The following EDIL3 variants were observed in gnomAD, a reference collection of about 807,000 sequenced individuals.
EDIL3 encodes the protein EGF like and discoidin domains 3, also known as EGF-like repeat and discoidin I-like domain-containing protein 3.
EDIL3 carries 37 observed loss-of-function variants against 67.4 expected under a neutral mutation model. The observed-to-expected ratio is 0.55, with a 90% CI of 0.42 to 0.72. The LOEUF is 0.72. EDIL3 is among the 30% of genes least tolerant of loss of function. The probability of loss-of-function intolerance (pLI) is 0.00; values close to 1 mark genes in which losing one functional copy is unlikely to be tolerated. For synonymous variants in EDIL3, 195 were observed against 196.3 expected (o/e 0.99, Z 0.05); for missense variants, 527 against 586.3 (o/e 0.90, Z 1.04).
At chr5:83,947,369 CTGTGTGTGTGTGTGTGTG>C (rs34059015) in intron 10 of EDIL3, among the ~76,000 whole-genome samples, 2 of 129,450 alleles carry the variant, frequency 1.5e-5, no homozygotes, top group African/African-American at 6.0e-5. Flanking sequence ...GTGTCTGTGT[CTGTGTGTGTGTGTGTGTG>C]TGTGTGTGTG....
At chr5:84,064,540 C>T (rs551106255) in intron 8 of EDIL3, among the ~76,000 whole-genome samples, 160 bp downstream of exon 8, 5 of 152,190 alleles carry the variant, frequency 3.3e-5, no homozygotes, top group African/African-American at 1.2e-4. Flanking sequence ...TTATTCTATA[C>T]ATAAACACAC....
At chr5:84,169,480 G>A (rs1024756932) in intron 4 of EDIL3, among the ~76,000 whole-genome samples, 1 of 151,894 alleles carries the variant, frequency 6.6e-6, no homozygotes, top group Non-Finnish European at 1.5e-5. Flanking sequence ...TGTCATCACA[G>A]TCAATATACG....
chr5:84,156,637 G>A (rs1250498148), intron 4 of EDIL3, among the ~76,000 whole-genome samples: 1 of 152,122 alleles, frequency 6.6e-6, no homozygotes, highest in Non-Finnish European at 1.5e-5. Flanking sequence ...TTTAAATGTT[G>A]CTAATGAAGA....
intron 9 of EDIL3, among the ~76,000 whole-genome samples, chr5:84,051,673 A>G (rs992934718): frequency 3.9e-5 from 6 of 152,252 alleles, no homozygotes; most frequent in African/African-American, 1.4e-4. Context: ...CACAAGCTTC[A>G]CTAGCCGATT....
intron 2 of EDIL3, among the ~76,000 whole-genome samples, chr5:84,246,916 T>G (rs1193918273): frequency 1.3e-5 from 2 of 152,192 alleles, no homozygotes; most frequent in Non-Finnish European, 1.5e-5. Context: ...TTTTCCATAA[T>G]ATATGCAAAA....
At chr5:84,237,256 G>T (rs979708478) in intron 2 of EDIL3, among the ~76,000 whole-genome samples, 3 of 152,006 alleles carry the variant, frequency 2.0e-5, no homozygotes, top group African/African-American at 7.2e-5. Flanking sequence ...AAAACCAAAA[G>T]AACAGAAAAC....
intron 6 of EDIL3, among the ~76,000 whole-genome samples, chr5:84,074,946 A>G (rs1746822014): frequency 6.6e-6 from 1 of 152,188 alleles, no homozygotes; most frequent in Non-Finnish European, 1.5e-5. Flanking sequence ...CTTGGAACCA[A>G]CCCGAATGTC....
rs564204112 is a variant in EDIL3 at position 84,239,370 on chromosome 5, G to A, written c.197-9486C>T. Among the ~76,000 whole-genome samples, 12 of 152,090 alleles carry A rather than the reference G, an allele frequency of 7.9e-5. No homozygotes were observed. In the South Asian group the frequency reaches 1.7e-3, roughly 21 times the overall value. On this transcript the variant is annotated intron_variant, in intron 2 of 10. Coordinates refer to ENST00000296591, the MANE Select transcript of EDIL3 (RefSeq NM_005711.5). ...GTGTTATTACCTGTCTTGTTTAGGC[G>A]GCTTTATAACAACCAGCAATCCAAC...
chr5:84,258,613 C>T (rs1287631041), intron 1 of EDIL3, among the ~76,000 whole-genome samples: 1 of 152,104 alleles, frequency 6.6e-6, no homozygotes, highest in Non-Finnish European at 1.5e-5. Context: ...GGATTAGAGC[C>T]GTGCACCTCC....
chr5:84,022,144 TA>T (rs1745729125), intron 9 of EDIL3, among the ~76,000 whole-genome samples: 2 of 151,762 alleles, frequency 1.3e-5, no homozygotes, highest in African/African-American at 4.8e-5. Context: ...TCATGATGAA[TA>T]TAGATGCAAA....
At chr5:84,110,902 A>G (rs543266803) in intron 5 of EDIL3, among the ~76,000 whole-genome samples, 7 of 152,304 alleles carry the variant, frequency 4.6e-5, no homozygotes, top group African/African-American at 1.4e-4. Flanking sequence ...GCAACAGTAC[A>G]TAATGTATGG....
intron 5 of EDIL3, among the ~76,000 whole-genome samples, chr5:84,120,784 A>T (rs1747761910): frequency 6.6e-6 from 1 of 152,008 alleles, no homozygotes; most frequent in African/African-American, 2.4e-5. Context: ...TCTCTTTTTC[A>T]TGAAGACATG....
intron 9 of EDIL3, among the ~76,000 whole-genome samples, chr5:83,983,762 CT>C (rs1745012537): frequency 7.8e-6 from 1 of 128,146 alleles, no homozygotes; most frequent in African/African-American, 3.4e-5. Context: ...TTTTTTTTCA[CT>C]GTTCATTCAA....
chr5:84,319,206 C>T (rs1746575551), intron 1 of EDIL3, among the ~76,000 whole-genome samples: 1 of 59,524 alleles, frequency 1.7e-5, no homozygotes, highest in African/African-American at 5.4e-5. Context: ...GGCGCGGTGG[C>T]TCACGCCTGT....
intron 2 of EDIL3, among the ~76,000 whole-genome samples, chr5:84,249,656 C>A (rs890152099): frequency 2.6e-5 from 4 of 151,884 alleles, no homozygotes; most frequent in African/African-American, 9.7e-5. Flanking sequence ...CCTTTGATTA[C>A]GTTAATATAC....
rs143031356 is a variant in EDIL3, at chr5:84,369,565, T to C, written c.67+14743A>G. Among the ~76,000 whole-genome samples the C allele has an allele frequency of 3.1e-3, 465 of 152,050 alleles. 3 individuals are homozygous for C. Among genetic ancestry groups the C allele is most frequent in the African/African-American group, 0.01 (430 of 41,512 alleles). The stretch of plus-strand genomic sequence containing the variant: ...ATCACAGAAACAGAAAGTAGGATGG[T>C]GGTTGTCAGGGGCTGGGAAGAGGGA... On this transcript the variant is annotated intron_variant, in intron 1 of 10. Coordinates refer to ENST00000296591, the MANE Select transcript of EDIL3 (RefSeq NM_005711.5).
chr5:84,300,869 T>C (rs139360276), intron 1 of EDIL3, among the ~76,000 whole-genome samples: 164 of 152,222 alleles, frequency 1.1e-3, no homozygotes, highest in Middle Eastern at 3.4e-3. Flanking sequence ...TGGTAGAAGC[T>C]AAACTAGACC....
chr5:84,375,088 C>T (rs1427711978), intron 1 of EDIL3, among the ~76,000 whole-genome samples: 3 of 151,898 alleles, frequency 2.0e-5, no homozygotes, highest in African/African-American at 7.3e-5. Flanking sequence ...TCTGCTGCCT[C>T]AGCCTCCTGA....
intron 9 of EDIL3, among the ~76,000 whole-genome samples, chr5:83,984,889 A>T (rs974897810): frequency 2.6e-5 from 4 of 151,884 alleles, no homozygotes; most frequent in East Asian, 3.9e-4. Context: ...TTCATGTATA[A>T]TACATTATAG....
Sources: allele counts gnomAD v4.1 joint callset (sites outside exome capture counted in the v4.1 genomes callset), GRCh38; gene constraint gnomAD v4.1.1; transcripts MANE v1.5; gene names NCBI Gene and HGNC (gene_info 2026-07-23, HGNC 2026-07-21).